The following STARD13 variants were observed in gnomAD, a reference collection of about 807,000 sequenced individuals.
The protein encoded by STARD13 is StAR related lipid transfer domain containing 13.
Under a neutral mutation model 106.4 loss-of-function variants are expected in STARD13, and 62 were observed. That is an observed-to-expected ratio of 0.58 (90% confidence interval 0.48 to 0.72). The LOEUF is 0.72. Among genes scored for constraint, STARD13 ranks in the 30% least tolerant of loss-of-function variants. STARD13 has a pLI of 0.00. For missense variants in STARD13, 1,387 were observed against 1,424.0 expected, an observed-to-expected ratio of 0.97 and a Z score of 0.42; for synonymous variants, 565 against 553.0, an observed-to-expected ratio of 1.02 and a Z score of -0.31.
At chr13:33,258,027 A>G (rs144612794) in intron 1 of STARD13, among the ~76,000 whole-genome samples, 103 of 152,338 alleles carry the variant, frequency 6.8e-4, no homozygotes, top group African/African-American at 2.3e-3. Flanking sequence ...CAGCTGCTTC[A>G]TTTAGTCATT....
At chr13:33,163,919 C>T in intron 3 of STARD13, among the ~76,000 whole-genome samples, 1 of 151,906 alleles carries the variant, frequency 6.6e-6, no homozygotes, top group Non-Finnish European at 1.5e-5. Flanking sequence ...GGCTACATGG[C>T]TCTGAGTGGA....
At chr13:33,378,264 G>T in the STARD13 span, among the ~76,000 whole-genome samples, 2 of 152,134 alleles carry the variant, frequency 1.3e-5, no homozygotes, top group African/African-American at 2.4e-5. Flanking sequence ...CCCAAGGCCA[G>T]GCTGAACGTC....
At chr13:33,363,740 A>G in the STARD13 span, among the ~76,000 whole-genome samples, 1 of 152,172 alleles carries the variant, frequency 6.6e-6, no homozygotes, top group Non-Finnish European at 1.5e-5. Flanking sequence ...CCTACATTGG[A>G]TTGAAACCCT....
At chr13:33,163,757 TA>T (rs1295772260) in intron 3 of STARD13, among the ~76,000 whole-genome samples, 1 of 124,328 alleles carries the variant, frequency 8.0e-6, no homozygotes, top group Non-Finnish European at 1.8e-5. Flanking sequence ...CATATATATA[TA>T]ACATATATAT....
chr13:33,286,866 G>GTA (rs372404551), upstream of STARD13, among the ~76,000 whole-genome samples: 20 of 151,506 alleles, frequency 1.3e-4, no homozygotes, highest in African/African-American at 1.7e-4. Context: ...ATATATACGT[G>GTA]TATATATATA....
chr13:33,294,751 C>T (rs567621369), intron 1 of STARD13, among the ~76,000 whole-genome samples: 7 of 152,252 alleles, frequency 4.6e-5, no homozygotes, highest in African/African-American at 1.7e-4. Flanking sequence ...TAGAGGATTA[C>T]CTTCATTTAC....
At chr13:33,214,699 T>TACACACAC (rs55996131) in intron 1 of STARD13, among the ~76,000 whole-genome samples, 49 of 144,144 alleles carry the variant, frequency 3.4e-4, no homozygotes, top group African/African-American at 1.1e-3. Context: ...CATGCACACA[T>TACACACAC]ACACACACAC....
At chr13:33,338,884 CAAA>C (rs748411311) in intron 1 of STARD13, among the ~76,000 whole-genome samples, 21 of 120,244 alleles carry the variant, frequency 1.7e-4, no homozygotes, top group African/African-American at 6.1e-4. Context: ...GACTCCGTCT[CAAA>C]AAAAAAAAAA....
the STARD13 span, among the ~76,000 whole-genome samples, chr13:33,528,352 C>T: frequency 6.7e-6 from 1 of 149,172 alleles, no homozygotes; most frequent in African/African-American, 2.5e-5. Flanking sequence ...TCACTGCAAC[C>T]TCAAACTCCT....
the STARD13 span, among the ~76,000 whole-genome samples, chr13:33,522,340 T>TG: frequency 6.6e-6 from 1 of 151,958 alleles, no homozygotes; most frequent in African/African-American, 2.4e-5. Context: ...TACCCTGGAG[T>TG]GGTACATCTG....
At chr13:33,191,064 T>G (rs991772236) in intron 1 of STARD13, among the ~76,000 whole-genome samples, 1 of 152,196 alleles carries the variant, frequency 6.6e-6, no homozygotes, top group Non-Finnish European at 1.5e-5. Context: ...ATTTACAAGG[T>G]ATGTTTATTT....
At chr13:33,635,641 C>T in the STARD13 span, among the ~76,000 whole-genome samples, 3 of 149,874 alleles carry the variant, frequency 2.0e-5, no homozygotes, top group Non-Finnish European at 4.4e-5. Flanking sequence ...CCAGCCTGGG[C>T]GAGAGAGCAA....
intron 1 of STARD13, among the ~76,000 whole-genome samples, chr13:33,261,612 T>TTTGG (rs1350291954): frequency 6.6e-6 from 1 of 152,194 alleles, no homozygotes; most frequent in African/African-American, 2.4e-5. Flanking sequence ...AGCATTTATA[T>TTTGG]GCTGACCCCA....
chr13:33,407,999 G>A, the STARD13 span, among the ~76,000 whole-genome samples: 2 of 152,112 alleles, frequency 1.3e-5, no homozygotes. Flanking sequence ...CCTCAAGAAC[G>A]GGAGTTGTCC....
the STARD13 span, among the ~76,000 whole-genome samples, chr13:33,482,243 G>C: frequency 6.6e-6 from 1 of 152,084 alleles, no homozygotes; most frequent in African/African-American, 2.4e-5. Context: ...CAGTAACTAT[G>C]GCAGCTAGAT....
chr13:33,609,101 A>AG, the STARD13 span, among the ~76,000 whole-genome samples: 2 of 150,614 alleles, frequency 1.3e-5, no homozygotes, highest in Non-Finnish European at 3.0e-5. Flanking sequence ...AAAAAAAAAA[A>AG]AAAAAAATAT....
chr13:33,208,119 C>T lies in STARD13; in HGVS notation c.170-40497G>A, dbSNP rs545260718. Among the ~76,000 whole-genome samples, 7 of 152,294 alleles carry T rather than the reference C, an allele frequency of 4.6e-5. No homozygotes were observed. In the South Asian group the frequency reaches 8.3e-4, roughly 18 times the overall value. ...ACCTCCTAAAATGTGCAAGACATTC[C>T]GTGCTAGCCACTTCAGAGGATGTGT... On this transcript the variant is annotated intron_variant, in intron 1 of 13. Coordinates refer to ENST00000336934, the MANE Select transcript of STARD13 (RefSeq NM_178006.4).
At chr13:33,314,051 A>T (rs773695491) in intron 1 of STARD13, among the ~76,000 whole-genome samples, 6 of 152,174 alleles carry the variant, frequency 3.9e-5, no homozygotes, top group Admixed American at 6.5e-5. Context: ...TGTAACTGCC[A>T]TCAGTAAGTC....
the STARD13 span, among the ~76,000 whole-genome samples, chr13:33,627,636 C>G: frequency 9.1e-6 from 1 of 110,132 alleles, no homozygotes; most frequent in Non-Finnish European, 2.1e-5. Context: ...GACTCCATCT[C>G]AAAAAAAAAA....
Sources: allele counts gnomAD v4.1 joint callset (sites outside exome capture counted in the v4.1 genomes callset), GRCh38; gene constraint gnomAD v4.1.1; transcripts MANE v1.5; gene names NCBI Gene and HGNC (gene_info 2026-07-23, HGNC 2026-07-21).